The following NXNL2 variants were observed in gnomAD, a reference collection of about 807,000 sequenced individuals.
NXNL2 encodes the protein nucleoredoxin like 2, also known as nucleoredoxin-like protein 2.
NXNL2 carries 7 observed loss-of-function variants against 11.1 expected under a neutral mutation model. That is an observed-to-expected ratio of 0.63 (90% CI 0.36 to 1.18). The LOEUF (loss-of-function observed/expected upper bound fraction) is 1.18, where lower values mean the gene tolerates loss of function less well. NXNL2 is among the 50% of genes most tolerant of loss of function. The pLI is 0.02. For missense variants in NXNL2, 233 were observed against 217.7 expected, an observed-to-expected ratio of 1.07 and a Z score of -0.44; for synonymous variants, 109 against 101.8, an observed-to-expected ratio of 1.07 and a Z score of -0.42.
At chr9:88,569,819 T>C (rs1029394908) in intron 1 of NXNL2, among the ~76,000 whole-genome samples, 1 of 152,196 alleles carries the variant, frequency 6.6e-6, no homozygotes, top group African/African-American at 2.4e-5. Flanking sequence ...TGGCCATGAT[T>C]TATTATTATT....
intron 1 of NXNL2, among the ~76,000 whole-genome samples, chr9:88,562,939 T>C (rs913931711): frequency 6.6e-6 from 1 of 150,774 alleles, no homozygotes. Flanking sequence ...AATACAAAAA[T>C]TAGCTGGGCG....
chr9:88,540,649 A>G (rs1267099456), intron 1 of NXNL2, among the ~76,000 whole-genome samples: 1 of 152,052 alleles, frequency 6.6e-6, no homozygotes, highest in Non-Finnish European at 1.5e-5. Flanking sequence ...GTTTTAGAGA[A>G]TAGTTTACAT....
chr9:88,538,341 AG>A (rs1266213836), intron 1 of NXNL2: 2 of 152,256 alleles, frequency 1.3e-5, no homozygotes, highest in African/African-American at 4.8e-5. Context: ...TAATGTTGCA[AG>A]TGATTAAAAC....
chr9:88,537,525 C>T (rs1163762695), intron 1 of NXNL2, among the ~76,000 whole-genome samples: 1 of 152,172 alleles, frequency 6.6e-6, no homozygotes, highest in African/African-American at 2.4e-5. Context: ...TTGTCCCTAC[C>T]CCTTTCCACA....
chr9:88,550,600 C>T (rs11791660), intron 1 of NXNL2, among the ~76,000 whole-genome samples: 1 of 152,326 alleles, frequency 6.6e-6, no homozygotes, highest in Admixed American at 6.5e-5. Flanking sequence ...TAGGTAGATT[C>T]AAAGATTTTC....
chr9:88,561,516 C>T (rs115885750), intron 1 of NXNL2, among the ~76,000 whole-genome samples: 2,121 of 152,274 alleles, frequency 0.014, 47 homozygotes, highest in African/African-American at 0.047. Flanking sequence ...CTAATTAGTT[C>T]TGTCCCTCTA....
Position 88,544,785 on chromosome 9 carries a change from C to T in NXNL2, c.*238C>T. 5 of 1,243,160 alleles carry T rather than the reference C, an allele frequency of 4.0e-6. No homozygotes were observed. Among genetic ancestry groups the T allele is most frequent in the Non-Finnish European group, 5.0e-6 (5 of 993,874 alleles). The allele number at this position is 1,243,160 out of a possible 1,614,324, so 77.0% of individuals were successfully genotyped here. ...TTGTTATTCTTTGCATACCTTTATCCACCTGTGCTTAAGGAAGGATCCTCA... is the reference window on the plus strand; with the variant it reads ...TTGTTATTCTTTGCATACCTTTATCTACCTGTGCTTAAGGAAGGATCCTCA... On this transcript the variant is annotated 3_prime_UTR_variant, in exon 2 of 2. Transcript: ENST00000375854.
Position 88,535,633 on chromosome 9 carries a change from G to T in NXNL2, c.199G>T (p.Val67Leu). ...GGCGCGGCGGCCCGCGCCCTTCGAA[G>T]TGGTCTTCGTGTCAGCCGACGGCAG... Reference protein sequence around the residue: ...AEARRPAPFEVVFVSADGSSQ... With the variant: ...AEARRPAPFELVFVSADGSSQ... Residue 67 changes from valine (V) to leucine (L), a missense_variant, in exon 1 of 2, where the codon GTG (valine) becomes TTG (leucine). Transcript: ENST00000375854. 1 of 1,609,112 alleles carries T rather than the reference G, an allele frequency of 6.2e-7. No individual in the cohort carries two copies. Among genetic ancestry groups the T allele is most frequent in the Non-Finnish European group, 8.5e-7 (1 of 1,179,452 alleles).
At chr9:88,538,581 A>G (rs1297518198) in intron 1 of NXNL2, among the ~76,000 whole-genome samples, 1 of 152,138 alleles carries the variant, frequency 6.6e-6, no homozygotes, top group Admixed American at 6.6e-5. Flanking sequence ...TGTGTCTCAG[A>G]CTGCGCATTC....
At chr9:88,568,471 C>CT (rs900969886) in intron 1 of NXNL2, among the ~76,000 whole-genome samples, 1 of 152,192 alleles carries the variant, frequency 6.6e-6, no homozygotes, top group African/African-American at 2.4e-5. Flanking sequence ...ACTGAAAAGA[C>CT]TGAGGGGACA....
chr9:88,576,336 G>A (rs1259539154), downstream of NXNL2, among the ~76,000 whole-genome samples: 1 of 152,214 alleles, frequency 6.6e-6, no homozygotes, highest in East Asian at 1.9e-4. Flanking sequence ...TTTTATACCT[G>A]GTTCAACAGG....
intron 1 of NXNL2, among the ~76,000 whole-genome samples, chr9:88,542,585 G>A (rs1399857486): frequency 1.3e-5 from 2 of 152,008 alleles, no homozygotes; most frequent in Non-Finnish European, 2.9e-5. Flanking sequence ...ACCCGCACCC[G>A]GCCCCAAAAA....
At chr9:88,583,091 C>T (rs4448377) in intron 1 of NXNL2, among the ~76,000 whole-genome samples, 14,247 of 152,208 alleles carry the variant, frequency 0.094, 2,145 homozygotes, top group African/African-American at 0.32. Context: ...GGCAGCCAGG[C>T]AGCTAGGACA....
At chr9:88,579,473 G>C (rs531673427), downstream of NXNL2, among the ~76,000 whole-genome samples, 20 of 152,164 alleles carry the variant, frequency 1.3e-4, no homozygotes, top group South Asian at 3.1e-3. Context: ...AGGTAGCTTT[G>C]GTCCCCATTG....
At chr9:88,567,015 T>TCTACCTATCTATCTATCTATCTAA in intron 1 of NXNL2, among the ~76,000 whole-genome samples, 1 of 138,772 alleles carries the variant, frequency 7.2e-6, no homozygotes, top group East Asian at 2.4e-4. Context: ...TATCTATCTA[T>TCTACCTATCTATCTATCTATCTAA]CTATCATCTA....
At chr9:88,565,121 C>T (rs1266755619) in intron 1 of NXNL2, among the ~76,000 whole-genome samples, 6 of 152,204 alleles carry the variant, frequency 3.9e-5, no homozygotes, top group Non-Finnish European at 5.9e-5. Context: ...TATTTGTCCT[C>T]CTGCACCTGG....
At chr9:88,561,195 A>G (rs1216514341) in intron 1 of NXNL2, among the ~76,000 whole-genome samples, 1 of 152,178 alleles carries the variant, frequency 6.6e-6, no homozygotes, top group African/African-American at 2.4e-5. Context: ...TAAAGCAGGC[A>G]GAAAAACGTG....
downstream of NXNL2, among the ~76,000 whole-genome samples, chr9:88,578,927 G>C (rs910271226): frequency 6.6e-6 from 1 of 152,216 alleles, no homozygotes; most frequent in African/African-American, 2.4e-5. Context: ...AGAAGTAGGC[G>C]CTGGTGGGCG....
intron 1 of NXNL2, among the ~76,000 whole-genome samples, chr9:88,564,285 T>TC (rs1554706562): frequency 0.054 from 7,575 of 139,838 alleles, 400 homozygotes; most frequent in East Asian, 0.19. Flanking sequence ...TATCTATCTA[T>TC]TATCTATCTA....
Sources: allele counts gnomAD v4.1 joint callset (sites outside exome capture counted in the v4.1 genomes callset), GRCh38; gene constraint gnomAD v4.1.1; transcripts MANE v1.5; gene names NCBI Gene and HGNC (gene_info 2026-07-23, HGNC 2026-07-21).